The following TRPM3 variants were observed in gnomAD, a reference collection of about 807,000 sequenced individuals.
TRPM3 encodes the protein transient receptor potential cation channel subfamily M member 3.
TRPM3 carries 77 observed loss-of-function variants against 181.2 expected under a neutral mutation model. The ratio of observed to expected loss-of-function variants is 0.42; its 90% CI spans 0.35 to 0.51. TRPM3 has a LOEUF of 0.51. TRPM3 is among the 20% of genes least tolerant of loss of function. The pLI is 0.01. For synonymous variants in TRPM3, 745 were observed against 796.4 expected, an observed-to-expected ratio of 0.94 and a Z score of 1.09; for missense variants, 1,759 against 2,196.7, an observed-to-expected ratio of 0.80 and a Z score of 3.98.
At chr9:71,417,413 G>A (rs937450648) in intron 1 of TRPM3, among the ~76,000 whole-genome samples, 1 of 151,830 alleles carries the variant, frequency 6.6e-6, no homozygotes, top group African/African-American at 2.4e-5. Context: ...ATCTCTTTAT[G>A]TGCTTATTGA....
chr9:70,938,610 T>C (rs1172184340), intron 1 of TRPM3, among the ~76,000 whole-genome samples: 7 of 152,182 alleles, frequency 4.6e-5, no homozygotes, highest in African/African-American at 1.2e-4. Context: ...AGTAGTGTTA[T>C]TTATGTCTCC....
At chr9:70,581,733 T>C (rs2055740203) in intron 22 of TRPM3, among the ~76,000 whole-genome samples, 1 of 152,078 alleles carries the variant, frequency 6.6e-6, no homozygotes, top group Non-Finnish European at 1.5e-5. Context: ...AGTTACAGGA[T>C]GCATGGCAAC....
rs192711110 is a variant in TRPM3 at position 71,065,412 on chromosome 9, T to G, written c.177+55766A>C. ...CCTTCTTAAATACCACTTTAATGAG[T>G]GAATCAATGAATTAGCCCTCTGAAC... On this transcript the variant is annotated intron_variant, in intron 1 of 25. Coordinates refer to ENST00000677713, the MANE Select transcript of TRPM3 (RefSeq NM_001366145.2). 2.6e-5 allele frequency among the ~76,000 whole-genome samples: 4 copies of G among 152,188 alleles called. No homozygotes were observed. In the East Asian group the frequency reaches 7.7e-4, roughly 29 times the overall value.
At chr9:70,806,382 T>C (rs2090683872) in intron 6 of TRPM3, among the ~76,000 whole-genome samples, 1 of 152,108 alleles carries the variant, frequency 6.6e-6, no homozygotes, top group Non-Finnish European at 1.5e-5. Flanking sequence ...TGAGCTGGGA[T>C]CTTAAGGGGT....
chr9:70,889,590 T>C (rs1049916124), intron 1 of TRPM3, among the ~76,000 whole-genome samples: 3 of 152,164 alleles, frequency 2.0e-5, no homozygotes, highest in Non-Finnish European at 2.9e-5. Context: ...CCTCATGATC[T>C]TGACTTTCAG....
At chr9:71,006,911 T>C (rs1396448546) in intron 1 of TRPM3, among the ~76,000 whole-genome samples, 15 of 147,184 alleles carry the variant, frequency 1.0e-4, no homozygotes, top group Admixed American at 1.0e-3. Context: ...TGGTGGCGCA[T>C]GCCTGTAATC....
chr9:71,429,251 TAATAATAA>T (rs1431082937), intron 1 of TRPM3, among the ~76,000 whole-genome samples: 7 of 152,128 alleles, frequency 4.6e-5, no homozygotes, highest in Admixed American at 6.5e-5. Flanking sequence ...GGTTAAAAAA[TAATAATAA>T]AAGAATAAAA....
At chr9:71,220,502 T>C (rs931908653) in intron 1 of TRPM3, among the ~76,000 whole-genome samples, 1 of 152,088 alleles carries the variant, frequency 6.6e-6, no homozygotes, top group Non-Finnish European at 1.5e-5. Context: ...TGAAATTTTC[T>C]TAGTTCTTAT....
chr9:71,080,247 CTA>C (rs2064086291), intron 1 of TRPM3, among the ~76,000 whole-genome samples: 1 of 151,500 alleles, frequency 6.6e-6, no homozygotes, highest in Admixed American at 6.6e-5. Flanking sequence ...GATTCCCAGT[CTA>C]GTAATTGGAA....
At chr9:70,699,728 C>T (rs1489163233) in intron 8 of TRPM3, among the ~76,000 whole-genome samples, 2 of 152,148 alleles carry the variant, frequency 1.3e-5, no homozygotes, top group African/African-American at 4.8e-5. Context: ...TTAGAGGTAA[C>T]TAAATCTTGG....
chr9:71,252,905 T>C (rs1236328915), intron 1 of TRPM3, among the ~76,000 whole-genome samples: 1 of 146,836 alleles, frequency 6.8e-6, no homozygotes, highest in Admixed American at 6.9e-5. Context: ...CAGGATGGTC[T>C]TGAACTCCTG....
intron 1 of TRPM3, among the ~76,000 whole-genome samples, chr9:70,913,508 G>A (rs1371469856): frequency 1.3e-5 from 2 of 152,168 alleles, no homozygotes; most frequent in Non-Finnish European, 1.5e-5. Context: ...TGTTTATAAT[G>A]TCCAAGTTCA....
At chr9:70,696,493 C>T (rs1379375937) in intron 8 of TRPM3, among the ~76,000 whole-genome samples, 1 of 152,130 alleles carries the variant, frequency 6.6e-6, no homozygotes. Context: ...TAATCATAGG[C>T]AAAAGAGATA....
At chr9:70,859,144 G>A (rs969016398) in intron 3 of TRPM3, among the ~76,000 whole-genome samples, 1 of 152,148 alleles carries the variant, frequency 6.6e-6, no homozygotes, top group African/African-American at 2.4e-5. Flanking sequence ...GCCATCGGAA[G>A]GGAGGATTGA....
chr9:71,376,154 A>T (rs2132837512), intron 1 of TRPM3, among the ~76,000 whole-genome samples: 1 of 152,078 alleles, frequency 6.6e-6, no homozygotes, highest in South Asian at 2.1e-4. Context: ...TGATATTGCA[A>T]ATTTTGCTGA....
chr9:71,095,628 A>G (rs1403435207), intron 1 of TRPM3, among the ~76,000 whole-genome samples: 1 of 151,826 alleles, frequency 6.6e-6, no homozygotes, highest in East Asian at 1.9e-4. Context: ...GCATGGTGGC[A>G]TGCGTCTGTA....
At chr9:70,649,968 T>C (rs1432727786) in intron 9 of TRPM3, among the ~76,000 whole-genome samples, 5 of 152,228 alleles carry the variant, frequency 3.3e-5, no homozygotes, top group Admixed American at 2.6e-4. Flanking sequence ...AATGGAATAT[T>C]ACACAGCCTT....
At chr9:71,232,234 G>A (rs184367640) in intron 1 of TRPM3, among the ~76,000 whole-genome samples, 17 of 152,278 alleles carry the variant, frequency 1.1e-4, no homozygotes, top group Non-Finnish European at 1.8e-4. Flanking sequence ...AGCATTGTTT[G>A]TAACTACCTC....
chr9:71,432,627 A>C (rs1006669357), intron 1 of TRPM3, among the ~76,000 whole-genome samples: 4 of 152,150 alleles, frequency 2.6e-5, no homozygotes, highest in Non-Finnish European at 5.9e-5. Flanking sequence ...AATGCTTTTA[A>C]ATGCATAAAA....
Sources: allele counts gnomAD v4.1 joint callset (sites outside exome capture counted in the v4.1 genomes callset), GRCh38; gene constraint gnomAD v4.1.1; transcripts MANE v1.5; gene names NCBI Gene and HGNC (gene_info 2026-07-23, HGNC 2026-07-21).